The following ASCC3 variants were observed in gnomAD, a reference collection of about 807,000 sequenced individuals.
The protein encoded by ASCC3 is ASC-1 complex subunit P200.
In ASCC3, 158 loss-of-function variants were observed where a neutral mutation model predicts 256.3. The observed-to-expected ratio is 0.62, with a 90% CI of 0.54 to 0.70. The LOEUF (loss-of-function observed/expected upper bound fraction) is 0.70. Ranked by LOEUF, ASCC3 falls within the 30% of genes least tolerant of loss-of-function variation. The pLI is 0.00. For synonymous variants in ASCC3, 948 were observed against 883.4 expected (o/e 1.07, Z -1.30); for missense variants, 2,259 against 2,626.0 (o/e 0.86, Z 3.05).
rs1774031294 is a variant in ASCC3, at chr6:100,516,386, G to C, written c.5928-59C>G. ...TTTCACAGCACAAAGAAGATTTTCT[G>C]ACAATGGTGGTTTATATAATTATAG... On this transcript the variant is annotated intron_variant, in intron 38 of 41. Coordinates refer to ENST00000369162, the MANE Select transcript of ASCC3 (RefSeq NM_006828.4). The C allele has an allele frequency of 3.8e-6, 6 of 1,592,694 alleles. 1 individual carries two copies. The South Asian group carries it at 5.5e-5, about 15-fold the overall frequency.
At chr6:100,536,161 C>G (rs1775152071) in intron 37 of ASCC3, among the ~76,000 whole-genome samples, 1 of 152,106 alleles carries the variant, frequency 6.6e-6, no homozygotes, top group Admixed American at 6.6e-5. Flanking sequence ...GCTAGTAATT[C>G]TAAAACTACA....
At chr6:100,861,210 C>G (rs1231058258) in intron 3 of ASCC3, among the ~76,000 whole-genome samples, 1 of 152,050 alleles carries the variant, frequency 6.6e-6, no homozygotes, top group Non-Finnish European at 1.5e-5. Context: ...GAATTTAGAT[C>G]TAGGCCTACT....
rs1173233741 is a variant in ASCC3 at position 100,608,452 on chromosome 6, TATATATATAC to T, written c.4786-1374_4786-1365del. Among the ~76,000 whole-genome samples the T allele has an allele frequency of 7.0e-4, 24 of 34,214 alleles. 2 individuals carry two copies. Among genetic ancestry groups the T allele is most frequent in the African/African-American group, 1.8e-3 (13 of 7,402 alleles). 22.4% of individuals were successfully genotyped at this position (34,214 alleles called of 152,430 possible). A position where few individuals can be genotyped will look rare whatever the true frequency, so the allele number is the denominator to read the frequency against. On this transcript the variant is annotated intron_variant, in intron 30 of 41. Transcript: ENST00000369162. ...ATATATATACTTTATATATATTTTA[TATATATATAC>T]TTTATATATATATACTTTATATATA...
intron 36 of ASCC3, among the ~76,000 whole-genome samples, chr6:100,576,328 C>T (rs1369909822): frequency 6.6e-6 from 1 of 151,994 alleles, no homozygotes; most frequent in Non-Finnish European, 1.5e-5. Context: ...TTTGTTAGTA[C>T]TTAAGCTCTG....
intron 8 of ASCC3, among the ~76,000 whole-genome samples, chr6:100,783,957 G>A (rs1219126461): frequency 6.6e-6 from 1 of 152,092 alleles, no homozygotes; most frequent in Non-Finnish European, 1.5e-5. Flanking sequence ...TTTAAAGAGG[G>A]GGGAAGTAGG....
intron 10 of ASCC3, among the ~76,000 whole-genome samples, chr6:100,750,244 T>C (rs1780876352): frequency 6.6e-6 from 1 of 152,012 alleles, no homozygotes. Flanking sequence ...ACTTGAACTT[T>C]TAGACATTTA....
At chr6:100,721,595 T>C (rs1006742177) in intron 11 of ASCC3, among the ~76,000 whole-genome samples, 1 of 151,732 alleles carries the variant, frequency 6.6e-6, no homozygotes, top group Non-Finnish European at 1.5e-5. Context: ...TAAAAATTGC[T>C]CTTAAATTGG....
intron 36 of ASCC3, among the ~76,000 whole-genome samples, chr6:100,576,954 C>T (rs947641033): frequency 2.7e-5 from 4 of 150,792 alleles, no homozygotes; most frequent in Non-Finnish European, 4.4e-5. Flanking sequence ...TCACTGTTGA[C>T]TGGAGTAGTT....
At chr6:100,818,129 T>C (rs963454606) in intron 4 of ASCC3, among the ~76,000 whole-genome samples, 1 of 152,126 alleles carries the variant, frequency 6.6e-6, no homozygotes, top group Non-Finnish European at 1.5e-5. Context: ...ATCATATCAA[T>C]AGAATTTAAA....
intron 30 of ASCC3, among the ~76,000 whole-genome samples, chr6:100,610,897 C>T (rs941107214): frequency 1.3e-5 from 2 of 152,186 alleles, no homozygotes; most frequent in Non-Finnish European, 2.9e-5. Context: ...CTTCAATTTA[C>T]ACTACAAGGA....
chr6:100,744,674 T>G (rs2115078145), intron 10 of ASCC3, among the ~76,000 whole-genome samples: 1 of 152,176 alleles, frequency 6.6e-6, no homozygotes, highest in South Asian at 2.1e-4. Context: ...TATATACTAT[T>G]TATTTTGTGG....
At chr6:100,655,655 A>G in intron 17 of ASCC3, 44 bp downstream of exon 17, 1 of 1,596,474 alleles carries the variant, frequency 6.3e-7, no homozygotes, top group Non-Finnish European at 8.5e-7. Flanking sequence ...TGAAAGAACC[A>G]AAAAGAAGGT....
intron 1 of ASCC3, among the ~76,000 whole-genome samples, chr6:100,868,295 C>A (rs1773574597): frequency 6.6e-6 from 1 of 152,188 alleles, no homozygotes; most frequent in Admixed American, 6.5e-5. Context: ...CAAGTACAGG[C>A]ATCAAATACT....
At chr6:100,767,366 C>T in intron 8 of ASCC3, 21 bp from the exon 9 acceptor site, 1 of 1,604,254 alleles carries the variant, frequency 6.2e-7, no homozygotes, top group Non-Finnish European at 8.5e-7. Context: ...AAGGCATCAC[C>T]CATTATAAAT....
intron 10 of ASCC3, among the ~76,000 whole-genome samples, chr6:100,757,575 C>T (rs1446579278): frequency 8.8e-5 from 2 of 22,788 alleles, no homozygotes; most frequent in African/African-American, 1.5e-4. Context: ...ACAAAAAAGG[C>T]ACAAACCACA....
chr6:100,679,909 A>G (rs1421394602), intron 13 of ASCC3, among the ~76,000 whole-genome samples, 157 bp from the exon 14 acceptor site: 1 of 152,216 alleles, frequency 6.6e-6, no homozygotes, highest in African/African-American at 2.4e-5. Flanking sequence ...AGAACAAAGT[A>G]TATATAGGAA....
chr6:100,508,246 T>C lies in ASCC3; in HGVS notation c.*1140A>G, dbSNP rs1185410670. The C allele has an allele frequency of 1.3e-5, 2 of 152,176 alleles. No individual in the cohort carries two copies. Among genetic ancestry groups the C allele is most frequent in the African/African-American group, 4.8e-5 (2 of 41,444 alleles). 9.4% of individuals were successfully genotyped at this position (152,176 alleles called of 1,614,324 possible). On this transcript the variant is annotated 3_prime_UTR_variant, in exon 42 of 42. Coordinates refer to ENST00000369162, the MANE Select transcript of ASCC3 (RefSeq NM_006828.4). ...CATGGAAAAGGATATATACAAGCAA[T>C]ACATTCCAATTTCAGAAACACTTAA... is the stretch of plus-strand genomic sequence containing the variant.
At chr6:100,873,354 A>C (rs1047026204) in intron 1 of ASCC3, among the ~76,000 whole-genome samples, 1 of 152,074 alleles carries the variant, frequency 6.6e-6, no homozygotes, top group Admixed American at 6.5e-5. Flanking sequence ...AATATGAACA[A>C]AGCCCCCAAG....
chr6:100,774,441 CG>C (rs1291098521), intron 8 of ASCC3, among the ~76,000 whole-genome samples: 1 of 152,094 alleles, frequency 6.6e-6, no homozygotes, highest in African/African-American at 2.4e-5. Flanking sequence ...TCTTGGCTCA[CG>C]GCAACCTCCG....
Sources: allele counts gnomAD v4.1 joint callset (sites outside exome capture counted in the v4.1 genomes callset), GRCh38; gene constraint gnomAD v4.1.1; transcripts MANE v1.5; gene names NCBI Gene and HGNC (gene_info 2026-07-23, HGNC 2026-07-21).